Variants in PLEKHA5 observed in about 807,000 individuals in gnomAD.
PLEKHA5 encodes the protein pleckstrin homology domain-containing family A member 5.
In PLEKHA5, 55 loss-of-function variants were observed where a neutral mutation model predicts 181.9. That is an observed-to-expected ratio of 0.30 (90% confidence interval 0.24 to 0.38). The LOEUF (loss-of-function observed/expected upper bound fraction) is 0.38. Ranked by LOEUF, PLEKHA5 falls within the 10% of genes least tolerant of loss-of-function variation. The pLI, the probability that PLEKHA5 is intolerant of heterozygous loss-of-function variation, is 1.00. For synonymous variants in PLEKHA5, 535 were observed against 529.4 expected, an observed-to-expected ratio of 1.01 and a Z score of -0.15; for missense variants, 1,432 against 1,549.5, an observed-to-expected ratio of 0.92 and a Z score of 1.27.
intron 3 of PLEKHA5, among the ~76,000 whole-genome samples, chr12:19,192,072 A>C (rs933805205): frequency 1.3e-5 from 2 of 152,148 alleles, no homozygotes; most frequent in South Asian, 4.1e-4. Context: ...GAGGCTTGCT[A>C]CCATACTTTA....
intron 25 of PLEKHA5, among the ~76,000 whole-genome samples, chr12:19,353,488 T>G (rs1227163514): frequency 2.0e-5 from 3 of 150,816 alleles, no homozygotes; most frequent in African/African-American, 7.3e-5. Flanking sequence ...TAGACAGAGT[T>G]TCGTTCTTTG....
intron 23 of PLEKHA5, 25 bp from the exon 24 acceptor site, chr12:19,346,969 A>G: frequency 6.8e-7 from 1 of 1,475,842 alleles, no homozygotes; most frequent in Non-Finnish European, 9.2e-7. Context: ...TTATCTAAAT[A>G]AGGTGACTGT....
Position 19,181,029 on chromosome 12 carries a change from G to GTTTA in PLEKHA5, c.227+48581_227+48582insTATT, listed in dbSNP as rs139793145. Among the ~76,000 whole-genome samples, 672 of 76,616 alleles carry GTTTA rather than the reference G, an allele frequency of 8.8e-3. 8 individuals carry two copies. Among genetic ancestry groups the GTTTA allele is most frequent in the African/African-American group, 0.025 (646 of 25,708 alleles). The allele number at this position is 76,616 out of a possible 152,430, so 50.3% of individuals were successfully genotyped here. On this transcript the variant is annotated intron_variant, in intron 3 of 31. Transcript: ENST00000429027. ...TATGTTTCACATGGATAGGCAGATAGTTGAAATTGTAAAAAAAAAAAAAAA... is the reference window on the plus strand; with the variant it reads ...TATGTTTCACATGGATAGGCAGATAGTTTATTGAAATTGTAAAAAAAAAAAAAAA...
intron 3 of PLEKHA5, among the ~76,000 whole-genome samples, chr12:19,137,738 A>T (rs1591775497): frequency 6.6e-6 from 1 of 152,046 alleles, no homozygotes; most frequent in East Asian, 1.9e-4. Context: ...TTTGTTGTGG[A>T]ATTCTTTTAT....
At chr12:19,287,227 C>G (rs373535508) in intron 12 of PLEKHA5, among the ~76,000 whole-genome samples, 159 of 152,250 alleles carry the variant, frequency 1.0e-3, no homozygotes, top group Non-Finnish European at 1.6e-3. Flanking sequence ...TGGTCTCGAA[C>G]TCCTGACCTC....
chr12:19,229,222 A>G (rs2060099249), intron 3 of PLEKHA5, among the ~76,000 whole-genome samples: 1 of 152,158 alleles, frequency 6.6e-6, no homozygotes, highest in Admixed American at 6.5e-5. Flanking sequence ...TCTTGGTTAG[A>G]GTTGTTGACA....
intron 11 of PLEKHA5, among the ~76,000 whole-genome samples, chr12:19,280,046 T>G (rs975904536): frequency 3.0e-5 from 4 of 131,918 alleles, no homozygotes; most frequent in East Asian, 2.2e-4. Context: ...GTTTTTTTTT[T>G]TTTTTTTTTT....
In PLEKHA5 at chr12:19,316,433, G is replaced by C. The variant is rs1040795226; in HGVS notation, c.2118+1539G>C. Among the ~76,000 whole-genome samples the C allele has an allele frequency of 8.0e-5, 12 of 149,684 alleles. No individual in the cohort carries two copies. In the East Asian group the frequency reaches 2.1e-3, roughly 27 times the overall value. ...GATCTGAAATGGGAAGGGCTGAGGG[G>C]GGGGAAAGTGAAGATGTCTGAGACT... On this transcript the variant is annotated intron_variant, in intron 16 of 31. Transcript: ENST00000429027.
intron 3 of PLEKHA5, among the ~76,000 whole-genome samples, chr12:19,244,859 T>C (rs1452653369): frequency 6.6e-6 from 1 of 152,212 alleles, no homozygotes; most frequent in African/African-American, 2.4e-5. Flanking sequence ...TTGGCTGTTA[T>C]TGGCAATATG....
chr12:19,237,950 T>G (rs1487179995), intron 3 of PLEKHA5, among the ~76,000 whole-genome samples: 6 of 151,854 alleles, frequency 4.0e-5, no homozygotes, highest in Non-Finnish European at 8.8e-5. Flanking sequence ...ATTATTGTAA[T>G]TTCATTCTAT....
chr12:19,308,893 A>G (rs1000336295), intron 15 of PLEKHA5, among the ~76,000 whole-genome samples: 1 of 151,618 alleles, frequency 6.6e-6, no homozygotes, highest in African/African-American at 2.4e-5. Flanking sequence ...ACTAAAACAC[A>G]AACGCACACA....
intron 3 of PLEKHA5, among the ~76,000 whole-genome samples, chr12:19,195,641 C>G (rs553158600): frequency 3.5e-5 from 5 of 144,176 alleles, no homozygotes; most frequent in Admixed American, 2.1e-4. Flanking sequence ...CCATTGCACT[C>G]CAGCCTGGGT....
chr12:19,270,835 G>A (rs2072494506), intron 10 of PLEKHA5, among the ~76,000 whole-genome samples: 2 of 151,966 alleles, frequency 1.3e-5, no homozygotes, highest in African/African-American at 4.8e-5. Flanking sequence ...CAGGAAATTA[G>A]GGATTGTTAC....
intron 28 of PLEKHA5, among the ~76,000 whole-genome samples, chr12:19,360,942 A>G (rs895107484): frequency 6.6e-6 from 1 of 152,024 alleles, no homozygotes; most frequent in African/African-American, 2.4e-5. Flanking sequence ...TTATTAGTAG[A>G]GACGGAGTTT....
At chr12:19,361,384 C>T (rs747627208) in intron 28 of PLEKHA5, among the ~76,000 whole-genome samples, 198 bp from the exon 29 acceptor site, 5 of 152,080 alleles carry the variant, frequency 3.3e-5, no homozygotes, top group Non-Finnish European at 4.4e-5. Flanking sequence ...AGTGTTTCAC[C>T]GTGTTAGCCA....
chr12:19,268,754 C>G (rs2071448582), intron 8 of PLEKHA5, among the ~76,000 whole-genome samples: 2 of 152,082 alleles, frequency 1.3e-5, no homozygotes, highest in Admixed American at 1.3e-4. Context: ...ACCCAGTGTT[C>G]CTTACATTGA....
chr12:19,211,745 T>C (rs1167378029), intron 3 of PLEKHA5, among the ~76,000 whole-genome samples: 1 of 152,146 alleles, frequency 6.6e-6, no homozygotes, highest in Admixed American at 6.6e-5. Context: ...AGAATGAGTG[T>C]TGTGATGAGC....
chr12:19,237,667 G>A (rs2061622272), intron 3 of PLEKHA5, among the ~76,000 whole-genome samples: 1 of 151,844 alleles, frequency 6.6e-6, no homozygotes, highest in African/African-American at 2.4e-5. Flanking sequence ...ATATATTACA[G>A]ATCGTATTTT....
intron 3 of PLEKHA5, among the ~76,000 whole-genome samples, chr12:19,253,064 CTTTTTTTTTTTTT>C (rs35536570): frequency 4.4e-5 from 2 of 45,878 alleles, no homozygotes; most frequent in South Asian, 1.1e-3. Context: ...ATCAACTTAC[CTTTTTTTTTTTTT>C]TTTTTTTTTT....
Sources: gnomAD v4.1 joint callset for allele counts (sites outside exome capture counted in the v4.1 genomes callset) on GRCh38, gnomAD v4.1.1 for gene constraint, MANE v1.5 for transcripts, NCBI Gene and HGNC (gene_info 2026-07-23, HGNC 2026-07-21) for gene names.